Variants in SP110 observed in about 807,000 individuals in gnomAD.
The protein encoded by SP110 is SP110 nuclear body protein.
Under a neutral mutation model 92.7 loss-of-function variants are expected in SP110, and 62 were observed. That is an observed-to-expected ratio of 0.67 (90% CI 0.55 to 0.83). SP110 has a LOEUF of 0.83. Among genes scored for constraint, SP110 ranks in the 40% least tolerant of loss-of-function variants. SP110 has a pLI of 0.00. For missense variants in SP110, 793 were observed against 863.9 expected (o/e 0.92, Z 1.03); for synonymous variants, 273 against 305.3 (o/e 0.89, Z 1.10).
At chr2:230,221,009 T>C (rs556663669), upstream of SP110, among the ~76,000 whole-genome samples, 3 of 151,196 alleles carry the variant, frequency 2.0e-5, no homozygotes, top group African/African-American at 7.3e-5. Flanking sequence ...TGGGCCAGGC[T>C]CGGTGGCTCA....
chr2:230,176,847 A>C (rs2041884077), intron 14 of SP110: 13 of 1,017,414 alleles, frequency 1.3e-5, no homozygotes, highest in Non-Finnish European at 1.9e-5. Context: ...CAAACCCAAG[A>C]AGTCAAAAAG....
intron 17 of SP110, 132 bp from the exon 18 acceptor site, chr2:230,170,893 A>C (rs1213759310): frequency 1.1e-6 from 1 of 890,428 alleles, no homozygotes; most frequent in Non-Finnish European, 1.8e-6. Flanking sequence ...TAAGCCAGCT[A>C]TTGTTCTAGG....
intron 10 of SP110, 34 bp downstream of exon 10, chr2:230,200,851 C>A (rs768081054): frequency 2.7e-6 from 4 of 1,476,944 alleles, no homozygotes; most frequent in Admixed American, 3.3e-5. Flanking sequence ...TTCCTGGTGA[C>A]TGTACTCTGA....
chr2:230,220,836 T>G (rs2045752326), upstream of SP110, among the ~76,000 whole-genome samples: 1 of 152,030 alleles, frequency 6.6e-6, no homozygotes, highest in African/African-American at 2.4e-5. Flanking sequence ...AGACCCCATC[T>G]CTACAAAAAA....
intron 2 of SP110, among the ~76,000 whole-genome samples, chr2:230,215,397 C>T (rs188047560): frequency 7.2e-5 from 11 of 152,136 alleles, no homozygotes; most frequent in South Asian, 4.2e-4. Flanking sequence ...ACATTTGAGA[C>T]GAGAGAAATT....
At position 230,212,772 on chromosome 2, in the gene SP110, C is replaced by T. The variant is rs2044640734; in HGVS notation, c.572G>A (p.Arg191Lys). The change falls in exon 4 of 19, where the codon AGA becomes AAA. Residue 191 changes from arginine (R) to lysine (K), a missense_variant. By Grantham distance (26) the Arg-to-Lys change is conservative. Coordinates refer to ENST00000258381, the MANE Select transcript of SP110 (RefSeq NM_080424.4). ...GATCTGTTTCTCACCTGAAGTGCTT[C>T]TTCCTTCCTGGATGAGTGCAGGGAG... ...LPLPALIQEG[R>K]STSVTNDKLT... The T allele has an allele frequency of 6.2e-7, 1 of 1,614,172 alleles. No homozygotes were observed.
intron 10 of SP110, among the ~76,000 whole-genome samples, chr2:230,199,415 G>C (rs998422567): frequency 1.3e-5 from 2 of 151,408 alleles, no homozygotes; most frequent in African/African-American, 4.9e-5. Context: ...CATCATGCTG[G>C]CCAGGCTGGT....
rs767887996 is a variant in SP110, at chr2:230,169,182, A to C, written c.2084T>G (p.Leu695Arg). The C allele has an allele frequency of 6.2e-7, 1 of 1,614,030 alleles. No individual in the cohort carries two copies. The highest frequency in any genetic ancestry group is 8.5e-7 in the Non-Finnish European group (1 of 1,179,922). Residue 695 changes from leucine to arginine, a missense_variant, in exon 19 of 19, where the codon CTC becomes CGC. Transcript: ENST00000258381. The part of the protein sequence containing the change: ...LDLEAEFEKD[L>R]KDVLGFHEAN... ...TTCATGAAAACCGAGCACGTCTTTGAGATCTTTTTCAAATTCTGCCTCTAA... is the reference window on the plus strand; with the variant it reads ...TTCATGAAAACCGAGCACGTCTTTGCGATCTTTTTCAAATTCTGCCTCTAA...
At chr2:230,176,811 C>A in intron 14 of SP110, 1 of 1,366,078 alleles carries the variant, frequency 7.3e-7, no homozygotes, top group South Asian at 1.2e-5. Context: ...TAGTGAATGT[C>A]TGTACCCAGA....
intron 13 of SP110, 96 bp downstream of exon 13, chr2:230,178,061 T>G (rs1420671144): frequency 2.6e-6 from 2 of 782,172 alleles, no homozygotes; most frequent in Admixed American, 4.0e-5. Flanking sequence ...GCTAGCAGGG[T>G]CCATTTCCTG....
intron 9 of SP110, among the ~76,000 whole-genome samples, chr2:230,201,447 C>G (rs1167775647): frequency 6.6e-6 from 1 of 152,144 alleles, no homozygotes; most frequent in Admixed American, 6.5e-5. Flanking sequence ...CAGCAGGAAT[C>G]ACTGCATCCT....
At position 230,176,445 on chromosome 2, in the gene SP110, G is replaced by T. The variant is rs1294410870; in HGVS notation, c.1590+1093C>A. On this transcript the variant is annotated intron_variant, in intron 14 of 18. Coordinates refer to ENST00000258381, the MANE Select transcript of SP110 (RefSeq NM_080424.4). ...TGGTTTATAGCCATCCAAATATCCA[G>T]ATCTTTTTCTAAAACACATGGACAT... 33 of 1,418,650 alleles carry T rather than the reference G, an allele frequency of 2.3e-5. No individual in the cohort carries two copies. In the East Asian group the frequency reaches 8.7e-4, roughly 37 times the overall value. 87.9% of individuals were successfully genotyped at this position (1,418,650 alleles called of 1,614,324 possible).
upstream of SP110, chr2:230,221,717 C>T (rs2045837859): frequency 2.0e-6 from 3 of 1,535,946 alleles, no homozygotes; most frequent in Non-Finnish European, 2.6e-6. Context: ...GAAGCCCCTC[C>T]CCATCACCTG....
intron 2 of SP110, 74 bp from the exon 3 acceptor site, chr2:230,215,192 A>G: frequency 8.2e-7 from 1 of 1,214,400 alleles, no homozygotes; most frequent in Non-Finnish European, 1.2e-6. Context: ...ATGGTTTTCT[A>G]AGTTTTAAGA....
Position 230,219,900 on chromosome 2 carries a change from C to T in SP110, c.-28G>A. 1.0e-6 allele frequency: 1 copy of T among 985,380 alleles called. No individual in the cohort carries two copies. The highest frequency in any genetic ancestry group is 1.2e-6 in the Non-Finnish European group (1 of 829,770). The allele number at this position is 985,380 out of a possible 1,614,324, so 61.0% of individuals were successfully genotyped here. A position where few individuals can be genotyped will look rare whatever the true frequency, so the allele number is the denominator to read the frequency against. The stretch of plus-strand genomic sequence containing the variant: ...TGGACTTTGAGTTTGTCGTTCCTGC[C>T]CCTTTCCAGGGGCTGGGACAGGGAT... On this transcript the variant is annotated 5_prime_UTR_variant, in exon 1 of 19. Transcript: ENST00000258381.
At chr2:230,191,407 GA>G (rs140338385) in intron 10 of SP110, among the ~76,000 whole-genome samples, 4,219 of 152,132 alleles carry the variant, frequency 0.028, 195 homozygotes, top group African/African-American at 0.096. Context: ...ATAAAGAAGA[GA>G]GAGAAGAATC....
At chr2:230,213,765 G>T in intron 3 of SP110, 1 of 152,822 alleles carries the variant, frequency 6.5e-6, no homozygotes, top group Non-Finnish European at 1.5e-5. Context: ...CTGAAGCTCA[G>T]CCAGGTCAGG....
Position 230,208,020 on chromosome 2 carries a change from CT to C in SP110, c.868del (p.Arg290GlyfsTer42). The C allele has an allele frequency of 2.6e-6, 4 of 1,567,402 alleles. No homozygotes were observed. The highest frequency in any genetic ancestry group is 3.5e-6 in the Non-Finnish European group (4 of 1,139,822). Reference protein sequence around the residue: ...RKRCIWSTPKRRHKKKSLPGG... With the variant: ...RKRCIWSTPKXRHKKKSLPGG... ...TGGGAGGCTTTTTTTCTTATGTCTC[CT>C]TTTTGGAGTTGACCAGATACATCTT... On this transcript the variant is annotated frameshift_variant, in exon 8 of 19. Transcript: ENST00000258381. LOFTEE classifies it high-confidence loss of function.
chr2:230,207,478 A>G (rs1305592385), intron 8 of SP110, among the ~76,000 whole-genome samples: 1 of 152,186 alleles, frequency 6.6e-6, no homozygotes, highest in Non-Finnish European at 1.5e-5. Context: ...CAAAACACAC[A>G]TCTATACACA....
Sources: gnomAD v4.1 joint callset for allele counts (sites outside exome capture counted in the v4.1 genomes callset) on GRCh38, gnomAD v4.1.1 for gene constraint, MANE v1.5 for transcripts, NCBI Gene and HGNC (gene_info 2026-07-23, HGNC 2026-07-21) for gene names.